Variants in VPS50 observed in about 807,000 individuals in gnomAD.
VPS50 encodes syndetin.
A neutral mutation model predicts 139.7 loss-of-function variants in VPS50; 70 were observed. The observed-to-expected ratio is 0.50, with a 90% CI of 0.41 to 0.61. The LOEUF is 0.61. Among genes scored for constraint, VPS50 ranks in the 20% least tolerant of loss-of-function variants. VPS50 has a pLI of 0.00. For synonymous variants in VPS50, 365 were observed against 376.7 expected (o/e 0.97, Z 0.36); for missense variants, 921 against 1,133.7 (o/e 0.81, Z 2.69).
intron 9 of VPS50, chr7:93,271,005 C>A: frequency 1.8e-6 from 1 of 564,734 alleles, no homozygotes; most frequent in Non-Finnish European, 2.5e-6. Flanking sequence ...TTCTTTCTTT[C>A]TACTCACGCA....
intron 25 of VPS50, among the ~76,000 whole-genome samples, chr7:93,351,221 C>T (rs1798548013): frequency 1.3e-5 from 2 of 152,046 alleles, no homozygotes; most frequent in African/African-American, 4.8e-5. Context: ...TCTATATTTG[C>T]CACTCTGGAA....
At chr7:93,305,242 G>A (rs1797081870) in intron 17 of VPS50, among the ~76,000 whole-genome samples, 1 of 151,798 alleles carries the variant, frequency 6.6e-6, no homozygotes, top group African/African-American at 2.4e-5. Context: ...CTTAGACTGG[G>A]TCTTACAACT....
At chr7:93,264,804 C>A (rs955265556) in intron 9 of VPS50, among the ~76,000 whole-genome samples, 1 of 152,094 alleles carries the variant, frequency 6.6e-6, no homozygotes, top group African/African-American at 2.4e-5. Flanking sequence ...ACATAAGGAG[C>A]CCTGCCTTGA....
In VPS50 at chr7:93,305,853, G is replaced by T; in HGVS notation, c.1478G>T (p.Arg493Leu). The change falls in exon 18 of 28, where the codon CGC (arginine) becomes CTC (leucine). Residue 493 changes from arginine to leucine, a missense_variant. Coordinates refer to ENST00000305866, the MANE Select transcript of VPS50 (RefSeq NM_017667.4). Reference sequence around the variant, plus strand: ...GAATTTAAATTCATGGAACAGTCTCGCTCCCCATCAGTTTCACCTAGTAAA... The same window carrying T: ...GAATTTAAATTCATGGAACAGTCTCTCTCCCCATCAGTTTCACCTAGTAAA... ...LHEFKFMEQSRSPSVSPSKQP... is the reference protein window; with the variant it reads ...LHEFKFMEQSLSPSVSPSKQP... 1 of 1,612,194 alleles carries T rather than the reference G, an allele frequency of 6.2e-7. No homozygotes were observed. Among genetic ancestry groups the T allele is most frequent in the Non-Finnish European group, 8.5e-7 (1 of 1,178,638 alleles).
intron 12 of VPS50, among the ~76,000 whole-genome samples, chr7:93,290,181 C>T (rs192459347): frequency 6.6e-6 from 1 of 152,014 alleles, no homozygotes; most frequent in East Asian, 1.9e-4. Context: ...ATTATTGGTT[C>T]TCTAGGAATT....
intron 16 of VPS50, 55 bp from the exon 17 acceptor site, chr7:93,303,405 G>A (rs1797033205): frequency 1.4e-6 from 1 of 698,680 alleles, no homozygotes; most frequent in Admixed American, 2.2e-5. Context: ...CTCAATTCTT[G>A]TGTGCGGTGT....
intron 2 of VPS50, chr7:93,246,244 C>T: frequency 1.4e-6 from 1 of 694,906 alleles, no homozygotes; most frequent in Non-Finnish European, 2.5e-6. Flanking sequence ...TGGCAAACCG[C>T]AAATCATGCT....
chr7:93,338,164 A>G (rs1335848594), intron 22 of VPS50, among the ~76,000 whole-genome samples: 2 of 152,192 alleles, frequency 1.3e-5, no homozygotes, highest in African/African-American at 2.4e-5. Flanking sequence ...GGAAGCAGAC[A>G]GAAAACGAGC....
chr7:93,242,640 A>G (rs1438284887), intron 2 of VPS50, among the ~76,000 whole-genome samples: 1 of 151,934 alleles, frequency 6.6e-6, no homozygotes, highest in Admixed American at 6.6e-5. Context: ...ATAAACATTA[A>G]CTTCATTTAA....
At chr7:93,285,725 T>TA (rs1358987754) in intron 12 of VPS50, among the ~76,000 whole-genome samples, 1 of 152,188 alleles carries the variant, frequency 6.6e-6, no homozygotes, top group African/African-American at 2.4e-5. Context: ...TGCCAAGTGT[T>TA]ACTGTGAACT....
At position 93,359,381 on chromosome 7, in the gene VPS50, T is replaced by A. The variant is rs1014860589; in HGVS notation, c.*945T>A. 6.6e-6 allele frequency: 1 copy of A among 152,184 alleles called. No individual in the cohort carries two copies. Among genetic ancestry groups the A allele is most frequent in the Non-Finnish European group, 1.5e-5 (1 of 68,022 alleles). The allele number at this position is 152,184 out of a possible 1,614,324, so 9.4% of individuals were successfully genotyped here. Reference sequence around the variant, plus strand: ...ACTCTTCTTAAATATCCACCTTTTATAACACAAATGTAAAATAGTATCAGT... The same window carrying A: ...ACTCTTCTTAAATATCCACCTTTTAAAACACAAATGTAAAATAGTATCAGT... On this transcript the variant is annotated 3_prime_UTR_variant, in exon 28 of 28. Transcript: ENST00000305866.
chr7:93,281,903 A>G lies in VPS50; in HGVS notation c.942+5598A>G, dbSNP rs193143922. ...TTTTATAACTTTTTTGCCACTTGCT[A>G]CATTATAAACAATTTTTCCGGCTGG... is the stretch of plus-strand genomic sequence containing the variant. On this transcript the variant is annotated intron_variant, in intron 12 of 27. Transcript: ENST00000305866. Among the ~76,000 whole-genome samples the G allele has an allele frequency of 8.5e-5, 13 of 152,290 alleles. No homozygotes were observed. The East Asian group carries it at 2.3e-3, about 27-fold the overall frequency.
chr7:93,331,548 A>C (rs887347263), intron 21 of VPS50, among the ~76,000 whole-genome samples: 1 of 152,126 alleles, frequency 6.6e-6, no homozygotes, highest in Non-Finnish European at 1.5e-5. Flanking sequence ...AAAAGAAAAA[A>C]AAAGCCTCAA....
At chr7:93,310,540 A>T (rs957339169) in intron 19 of VPS50, among the ~76,000 whole-genome samples, 1 of 151,890 alleles carries the variant, frequency 6.6e-6, no homozygotes, top group Non-Finnish European at 1.5e-5. Flanking sequence ...CACTGTGTTC[A>T]AGATAAGGTT....
chr7:93,295,605 T>C (rs1051048091), intron 14 of VPS50, among the ~76,000 whole-genome samples: 2 of 152,212 alleles, frequency 1.3e-5, no homozygotes, highest in African/African-American at 4.8e-5. Context: ...TGGACTTCTT[T>C]GAACCTTGGA....
At chr7:93,348,357 T>A (rs115226570) in intron 23 of VPS50, among the ~76,000 whole-genome samples, 2,253 of 152,328 alleles carry the variant, frequency 0.015, 57 homozygotes, top group African/African-American at 0.052. Context: ...CTGAATGAGA[T>A]CTTTAAAAGA....
At chr7:93,276,508 T>C in intron 12 of VPS50, 2 of 762,058 alleles carry the variant, frequency 2.6e-6, no homozygotes, top group Non-Finnish European at 3.8e-6. Flanking sequence ...GTTACTGAGA[T>C]TGGAGCATGA....
At chr7:93,324,952 G>A (rs1044843295) in intron 21 of VPS50, among the ~76,000 whole-genome samples, 4 of 152,010 alleles carry the variant, frequency 2.6e-5, no homozygotes, top group Non-Finnish European at 5.9e-5. Context: ...CTACTTTAAA[G>A]TTCATATGGA....
At chr7:93,349,313 G>A (rs1798493030) in intron 24 of VPS50, among the ~76,000 whole-genome samples, 1 of 152,184 alleles carries the variant, frequency 6.6e-6, no homozygotes, top group Non-Finnish European at 1.5e-5. Flanking sequence ...GTCTGGGGAT[G>A]AGAAAGATGG....
Sources: gnomAD v4.1 joint callset for allele counts (sites outside exome capture counted in the v4.1 genomes callset) on GRCh38, gnomAD v4.1.1 for gene constraint, MANE v1.5 for transcripts, NCBI Gene and HGNC (gene_info 2026-07-23, HGNC 2026-07-21) for gene names.